The following ZNF277 variants were observed in gnomAD, a reference collection of about 807,000 sequenced individuals.
ZNF277 encodes zinc finger protein 277, also known as nuclear receptor-interacting factor 4.
A neutral mutation model predicts 60.7 loss-of-function variants in ZNF277; 55 were observed. That is an observed-to-expected ratio of 0.91 (90% CI 0.73 to 1.13). ZNF277 has a LOEUF of 1.13. Ranked by LOEUF, ZNF277 falls within the 50% of genes most tolerant of loss-of-function variation. The probability of loss-of-function intolerance (pLI) is 0.00; values close to 1 mark genes in which losing one functional copy is unlikely to be tolerated. For missense variants in ZNF277, 510 were observed against 523.0 expected (o/e 0.98, Z 0.24); for synonymous variants, 178 against 179.3 (o/e 0.99, Z 0.06).
chr7:112,269,256 A>G (rs1469942526), intron 1 of ZNF277, among the ~76,000 whole-genome samples: 2 of 150,618 alleles, frequency 1.3e-5, no homozygotes, highest in African/African-American at 4.9e-5. Flanking sequence ...AAAAGACTCT[A>G]CATCTCTTTG....
rs1169697407 is a variant in ZNF277, at chr7:112,318,239, T to C, written c.523T>C (p.Cys175Arg). Residue 175 changes from cysteine to arginine, a missense_variant, in exon 5 of 12, where the codon TGT becomes CGT. By Grantham distance (180) the Cys-to-Arg change is radical (BLOSUM62 -3). Coordinates refer to ENST00000361822, the MANE Select transcript of ZNF277 (RefSeq NM_021994.3). ...AAATGATACCAATTTTCATGGCGTT[T>C]GTATGTTTTGCAATGAAGAATTCCT... Reference protein sequence around the residue: ...ERNDTNFHGVCMFCNEEFLGN... With the variant: ...ERNDTNFHGVRMFCNEEFLGN... 3.1e-6 allele frequency: 5 copies of C among 1,613,576 alleles called. No individual in the cohort carries two copies. The highest frequency in any genetic ancestry group is 1.1e-5 in the South Asian group (1 of 91,036).
intron 1 of ZNF277, among the ~76,000 whole-genome samples, chr7:112,216,623 A>G (rs60691495): frequency 0.057 from 8,735 of 152,160 alleles, 352 homozygotes; most frequent in South Asian, 0.13. Context: ...GATTTTAGAG[A>G]AGTCATTAGC....
chr7:112,276,170 A>G (rs1490243038), intron 1 of ZNF277, among the ~76,000 whole-genome samples: 1 of 152,230 alleles, frequency 6.6e-6, no homozygotes, highest in Admixed American at 6.5e-5. Context: ...AGATTTGGAA[A>G]TAACCAACTT....
chr7:112,305,481 G>A (rs998611559), intron 4 of ZNF277, among the ~76,000 whole-genome samples: 9 of 151,562 alleles, frequency 5.9e-5, no homozygotes, highest in South Asian at 4.2e-4. Context: ...TGTTTAATTT[G>A]TTGGAAATTC....
chr7:112,296,435 A>G, intron 4 of ZNF277, 124 bp downstream of exon 4: 1 of 481,112 alleles, frequency 2.1e-6, no homozygotes, highest in Non-Finnish European at 3.6e-6. Flanking sequence ...GTAAAAGAGG[A>G]GACAATACAA....
intron 5 of ZNF277, among the ~76,000 whole-genome samples, chr7:112,320,756 C>T (rs983959500): frequency 3.3e-5 from 5 of 151,788 alleles, no homozygotes; most frequent in Admixed American, 1.3e-4. Context: ...GTACTTAATT[C>T]GTGTTTAATG....
At chr7:112,229,853 G>A (rs1822275636) in intron 1 of ZNF277, among the ~76,000 whole-genome samples, 1 of 152,200 alleles carries the variant, frequency 6.6e-6, no homozygotes, top group African/African-American at 2.4e-5. Flanking sequence ...GCTTCACAAA[G>A]AGATAATTCC....
chr7:112,265,102 A>G (rs1284690098), intron 1 of ZNF277, among the ~76,000 whole-genome samples: 4 of 152,180 alleles, frequency 2.6e-5, no homozygotes. Flanking sequence ...CGTTCAGTGG[A>G]GTAGCACTTT....
chr7:112,222,938 G>A (rs902039760), intron 1 of ZNF277, among the ~76,000 whole-genome samples: 2 of 152,122 alleles, frequency 1.3e-5, no homozygotes, highest in African/African-American at 4.8e-5. Context: ...AGAGAGACTG[G>A]CGTAGCCTCC....
intron 4 of ZNF277, among the ~76,000 whole-genome samples, chr7:112,308,123 T>A (rs1432974396): frequency 1.3e-5 from 2 of 152,090 alleles, no homozygotes; most frequent in Non-Finnish European, 2.9e-5. Flanking sequence ...GAGCAAATTA[T>A]GTCACTCACT....
chr7:112,309,117 T>TTCCTGCTTC (rs1792665623), intron 4 of ZNF277, among the ~76,000 whole-genome samples: 1 of 151,996 alleles, frequency 6.6e-6, no homozygotes, highest in African/African-American at 2.4e-5. Context: ...AAAAGTGAGC[T>TTCCTGCTTC]TCCTGCTTCT....
intron 1 of ZNF277, among the ~76,000 whole-genome samples, chr7:112,238,810 T>TTTTTTTTGAGACGGAGTC (rs1250825265): frequency 4.6e-5 from 7 of 151,304 alleles, no homozygotes; most frequent in Non-Finnish European, 1.0e-4. Flanking sequence ...TTTTTTTTAT[T>TTTTTTTTGAGACGGAGTC]TCAATAGATT....
chr7:112,339,479 C>A (rs62473147), intron 9 of ZNF277, among the ~76,000 whole-genome samples: 7,750 of 152,248 alleles, frequency 0.051, 332 homozygotes, highest in African/African-American at 0.12. Flanking sequence ...CCACCACACC[C>A]AGCCAATTTT....
rs532142157 is a variant in ZNF277, at chr7:112,281,656, A to C, written c.92-5217A>C. Among the ~76,000 whole-genome samples the C allele has an allele frequency of 3.3e-5, 5 of 152,290 alleles. No homozygotes were observed. In the South Asian group the frequency reaches 1.0e-3, roughly 32 times the overall value. ...GACTACGCACAATCTCAGGCAGAGA[A>C]AGTTCCCCTAAAGACAGCCACAGGT... is the stretch of plus-strand genomic sequence containing the variant. On this transcript the variant is annotated intron_variant, in intron 1 of 11. Transcript: ENST00000361822.
In ZNF277 at chr7:112,327,776, A is replaced by G. The variant is rs747484470; in HGVS notation, c.617A>G (p.Asn206Ser). ...EHAFNIGLPD[N>S]IVNCNEFLCT... ...GCTTTCAACATTGGATTGCCAGACA[A>G]CATTGTAAACTGCAATGAATTTTTG... The change falls in exon 6 of 12, where the codon AAC becomes AGC. Residue 206 changes from asparagine to serine, a missense_variant. Physicochemically the swap from Asn to Ser is conservative, Grantham distance 46. Coordinates refer to ENST00000361822, the MANE Select transcript of ZNF277 (RefSeq NM_021994.3). The G allele has an allele frequency of 1.2e-6, 2 of 1,612,452 alleles. No homozygotes were observed. The highest frequency in any genetic ancestry group is 1.7e-6 in the Non-Finnish European group (2 of 1,179,486).
chr7:112,313,429 C>T (rs935461336), intron 4 of ZNF277, among the ~76,000 whole-genome samples: 2 of 151,848 alleles, frequency 1.3e-5, no homozygotes, highest in African/African-American at 4.8e-5. Context: ...ACTACAGGCA[C>T]GCACCACCAT....
intron 1 of ZNF277, among the ~76,000 whole-genome samples, chr7:112,271,670 G>A (rs1005681576): frequency 5.9e-5 from 9 of 152,202 alleles, no homozygotes; most frequent in African/African-American, 2.2e-4. Flanking sequence ...AGGCAGGCAT[G>A]TAACTGGAAA....
intron 1 of ZNF277, among the ~76,000 whole-genome samples, chr7:112,222,747 A>C (rs1822066399): frequency 6.6e-6 from 1 of 152,098 alleles, no homozygotes; most frequent in African/African-American, 2.4e-5. Context: ...ACTGAGTGTC[A>C]ACTTGATTGG....
intron 1 of ZNF277, among the ~76,000 whole-genome samples, chr7:112,286,041 G>A (rs879471478): frequency 9.9e-5 from 15 of 152,062 alleles, no homozygotes; most frequent in Admixed American, 3.3e-4. Context: ...AGGTGTAGAC[G>A]TCCACTCTGG....
Sources: gnomAD v4.1 joint callset for allele counts (sites outside exome capture counted in the v4.1 genomes callset) on GRCh38, gnomAD v4.1.1 for gene constraint, MANE v1.5 for transcripts, NCBI Gene and HGNC (gene_info 2026-07-23, HGNC 2026-07-21) for gene names.